Variants in ZNF100 observed in about 807,000 individuals in gnomAD.
ZNF100 encodes zinc finger protein 100.
ZNF100 carries 12 observed loss-of-function variants against 15.8 expected under a neutral mutation model. The observed-to-expected ratio is 0.76, with a 90% CI of 0.49 to 1.23. The LOEUF (loss-of-function observed/expected upper bound fraction) is 1.23. Among genes scored for constraint, ZNF100 ranks in the 50% most tolerant of loss-of-function variants. ZNF100 has a pLI of 0.00. For synonymous variants in ZNF100, 226 were observed against 214.8 expected (o/e 1.05, Z -0.45); for missense variants, 670 against 635.6 (o/e 1.05, Z -0.58).
rs1599415510 is a variant in ZNF100 at position 21,767,468 on chromosome 19, A to G, written c.-39T>C. Reference sequence around the variant, plus strand: ...GGGGGTCCTGGCGTCTTAGCTGTGGATCTCCCAATATCTGCAGGTCAGAGG... The same window carrying G: ...GGGGGTCCTGGCGTCTTAGCTGTGGGTCTCCCAATATCTGCAGGTCAGAGG... On this transcript the variant is annotated 5_prime_UTR_variant, in exon 1 of 5. Coordinates refer to ENST00000358296, the MANE Select transcript of ZNF100 (RefSeq NM_173531.4). 2 of 1,613,692 alleles carry G rather than the reference A, an allele frequency of 1.2e-6. No individual in the cohort carries two copies. Among genetic ancestry groups the G allele is most frequent in the Non-Finnish European group, 1.7e-6 (2 of 1,179,816 alleles).
In ZNF100 at chr19:21,724,239, A is replaced by T. The variant is rs1037809392; in HGVS notation, c.*2444T>A. The T allele has an allele frequency of 2.0e-5, 3 of 152,132 alleles. No homozygotes were observed. The highest frequency in any genetic ancestry group is 7.2e-5 in the African/African-American group (3 of 41,426). The allele number at this position is 152,132 out of a possible 1,614,324, so 9.4% of individuals were successfully genotyped here. A position where few individuals can be genotyped will look rare whatever the true frequency, so the allele number is the denominator to read the frequency against. ...TTTTTGAGGCTTTTAGTTTTCTAGT[A>T]GTCATCTTGTTAAAATGATTTGTTT... On this transcript the variant is annotated 3_prime_UTR_variant, in exon 5 of 5. Coordinates refer to ENST00000358296, the MANE Select transcript of ZNF100 (RefSeq NM_173531.4).
At position 21,767,412 on chromosome 19, in the gene ZNF100, A is replaced by G; in HGVS notation, c.3+15T>C. The stretch of plus-strand genomic sequence containing the variant: ...CTTTCGCCGTCTCTCGGGATGTCGG[A>G]CCGGGCACTCTCACCATTTCTAGGC... On this transcript the variant is annotated intron_variant, in intron 1 of 4. Coordinates refer to ENST00000358296, the MANE Select transcript of ZNF100 (RefSeq NM_173531.4). 6.2e-7 allele frequency: 1 copy of G among 1,613,912 alleles called. No homozygotes were observed. The highest frequency in any genetic ancestry group is 8.5e-7 in the Non-Finnish European group (1 of 1,179,934).
rs59997375 is a variant in ZNF100, at chr19:21,742,376, CTTTTTTTTTTTTTT to C, written c.322+1627_322+1640del. ...TTTACAACCATTAATTTTTCTTTTT[CTTTTTTTTTTTTTT>C]TTTTTGAGACAGAGAATTGCTTGAA... is the stretch of plus-strand genomic sequence containing the variant. On this transcript the variant is annotated intron_variant, in intron 4 of 4. Transcript: ENST00000358296. Among the ~76,000 whole-genome samples, 155 of 86,156 alleles carry C rather than the reference CTTTTTTTTTTTTTT, an allele frequency of 1.8e-3. 1 individual carries two copies. Among genetic ancestry groups the C allele is most frequent in the Non-Finnish European group, 3.0e-3 (128 of 42,012 alleles). The allele number at this position is 86,156 out of a possible 152,430, so 56.5% of individuals were successfully genotyped here. A position where few individuals can be genotyped will look rare whatever the true frequency, so the allele number is the denominator to read the frequency against.
intron 2 of ZNF100, chr19:21,751,661 A>G (rs1028437683): frequency 2.9e-6 from 4 of 1,388,880 alleles, no homozygotes; most frequent in African/African-American, 2.9e-5. Context: ...TGAAATGGAA[A>G]GGCATTTTTC....
intron 4 of ZNF100, among the ~76,000 whole-genome samples, chr19:21,730,553 T>C (rs1458370886): frequency 6.6e-6 from 1 of 151,898 alleles, no homozygotes; most frequent in Non-Finnish European, 1.5e-5. Context: ...AGCAATACTA[T>C]AGTAGGACAT....
intron 2 of ZNF100, among the ~76,000 whole-genome samples, chr19:21,745,413 T>C (rs2145719774): frequency 1.3e-5 from 2 of 152,298 alleles, no homozygotes; most frequent in South Asian, 4.1e-4. Context: ...AGATGTTGAG[T>C]TAGAAGGCAC....
chr19:21,733,194 CATA>C (rs1220308683), intron 4 of ZNF100, among the ~76,000 whole-genome samples: 3 of 152,050 alleles, frequency 2.0e-5, no homozygotes, highest in Non-Finnish European at 4.4e-5. Flanking sequence ...TTTTTACTAT[CATA>C]ATGATGCACA....
At chr19:21,730,445 A>AGTGTGTGT (rs58942514) in intron 4 of ZNF100, among the ~76,000 whole-genome samples, 7,523 of 147,646 alleles carry the variant, frequency 0.051, 236 homozygotes, top group Non-Finnish European at 0.064. Flanking sequence ...TGATAACCTA[A>AGTGTGTGT]GTGTGTGTGT....
At position 21,726,413 on chromosome 19, in the gene ZNF100, C is replaced by G; in HGVS notation, c.*270G>C. The G allele has an allele frequency of 2.5e-6, 1 of 394,732 alleles. No individual in the cohort carries two copies. Among genetic ancestry groups the G allele is most frequent in the Non-Finnish European group, 4.5e-6 (1 of 222,274 alleles). 24.5% of individuals were successfully genotyped at this position (394,732 alleles called of 1,614,324 possible). A position where few individuals can be genotyped will look rare whatever the true frequency, so the allele number is the denominator to read the frequency against. ...CCTTACCTACAATCAAGTGTGACAA[C>G]CATTTAAAACTTTATCACATTCTTC... On this transcript the variant is annotated 3_prime_UTR_variant, in exon 5 of 5. Coordinates refer to ENST00000358296, the MANE Select transcript of ZNF100 (RefSeq NM_173531.4).
At chr19:21,729,823 T>C (rs2035880950) in intron 4 of ZNF100, among the ~76,000 whole-genome samples, 1 of 151,960 alleles carries the variant, frequency 6.6e-6, no homozygotes, top group Non-Finnish European at 1.5e-5. Flanking sequence ...AAGATATAAT[T>C]AGCAAAATCA....
intron 2 of ZNF100, among the ~76,000 whole-genome samples, chr19:21,760,754 G>GTTTTTTTTT (rs59317162): frequency 2.0e-5 from 2 of 102,094 alleles, no homozygotes; most frequent in African/African-American, 3.6e-5. Flanking sequence ...GAACTTTCTT[G>GTTTTTTTTT]TTTTTTTTTT....
chr19:21,750,855 C>G (rs1032784302), intron 2 of ZNF100: 2 of 491,860 alleles, frequency 4.1e-6, no homozygotes, highest in South Asian at 3.7e-5. Flanking sequence ...CCATGGGGAA[C>G]ACGCTGACCT....
intron 2 of ZNF100, 84 bp from the exon 3 acceptor site, chr19:21,745,151 CAGAGCAA>C: frequency 6.5e-7 from 1 of 1,529,786 alleles, no homozygotes; most frequent in Non-Finnish European, 8.7e-7. Context: ...AATGAAATGA[CAGAGCAA>C]AGAGAATTGG....
At chr19:21,729,978 C>G (rs1488099088) in intron 4 of ZNF100, among the ~76,000 whole-genome samples, 1 of 151,384 alleles carries the variant, frequency 6.6e-6, no homozygotes, top group Non-Finnish European at 1.5e-5. Context: ...TGTATAGATA[C>G]ACAAAACAAG....
chr19:21,725,416 T>C lies in ZNF100; in HGVS notation c.*1267A>G, dbSNP rs2035759978. 1 of 152,190 alleles carries C rather than the reference T, an allele frequency of 6.6e-6. No homozygotes were observed. The highest frequency in any genetic ancestry group is 1.5e-5 in the Non-Finnish European group (1 of 68,016). The allele number at this position is 152,190 out of a possible 1,614,324, so 9.4% of individuals were successfully genotyped here. ...TTAAGTTTTCTCATAATGCAGAATA[T>C]TACTCTGAATGCCTAACGCACACAT... is the stretch of plus-strand genomic sequence containing the variant. On this transcript the variant is annotated 3_prime_UTR_variant, in exon 5 of 5. Transcript: ENST00000358296.
At chr19:21,756,296 A>C (rs1228950210) in intron 2 of ZNF100, among the ~76,000 whole-genome samples, 1 of 152,206 alleles carries the variant, frequency 6.6e-6, no homozygotes, top group Non-Finnish European at 1.5e-5. Context: ...CCTCCTTGAA[A>C]ACTGGCACAA....
rs1479004618 is a variant in ZNF100 at position 21,723,820 on chromosome 19, C to T, written c.*2863G>A. Reference sequence around the variant, plus strand: ...AAAGCTTCCCTAGTACTTACCTGAACAAATTGACTCAATAAATAAATTTAC... The same window carrying T: ...AAAGCTTCCCTAGTACTTACCTGAATAAATTGACTCAATAAATAAATTTAC... On this transcript the variant is annotated 3_prime_UTR_variant, in exon 5 of 5. Coordinates refer to ENST00000358296, the MANE Select transcript of ZNF100 (RefSeq NM_173531.4). 6.6e-6 allele frequency: 1 copy of T among 152,072 alleles called. No homozygotes were observed. The highest frequency in any genetic ancestry group is 1.5e-5 in the Non-Finnish European group (1 of 67,994). 9.4% of individuals were successfully genotyped at this position (152,072 alleles called of 1,614,324 possible).
intron 2 of ZNF100, chr19:21,746,715 C>T (rs2036217270): frequency 6.6e-6 from 1 of 151,942 alleles, no homozygotes; most frequent in Admixed American, 6.6e-5. Flanking sequence ...TAGTTAAACT[C>T]ATTAGTAAGG....
Position 21,723,337 on chromosome 19 carries a change from GCAA to G in ZNF100, c.*3343_*3345del, listed in dbSNP as rs1240716982. 7.5e-6 allele frequency: 1 copy of G among 132,980 alleles called. No homozygotes were observed. Among genetic ancestry groups the G allele is most frequent in the Non-Finnish European group, 1.5e-5 (1 of 64,880 alleles). The allele number at this position is 132,980 out of a possible 1,614,324, so 8.2% of individuals were successfully genotyped here. The stretch of plus-strand genomic sequence containing the variant: ...ATTGCACCACTGCACTCCAGCTTGG[GCAA>G]CAAGAGTGAGACTCTGTCTCAAAAA... On this transcript the variant is annotated 3_prime_UTR_variant, in exon 5 of 5. Transcript: ENST00000358296.
Sources: allele counts gnomAD v4.1 joint callset (sites outside exome capture counted in the v4.1 genomes callset), GRCh38; gene constraint gnomAD v4.1.1; transcripts MANE v1.5; gene names NCBI Gene and HGNC (gene_info 2026-07-23, HGNC 2026-07-21).